Variants in GRM5 observed in about 807,000 individuals in gnomAD.
GRM5 encodes glutamate metabotropic receptor 5, also known as metabotropic glutamate receptor 5.
In GRM5, 19 loss-of-function variants were observed where a neutral mutation model predicts 83.1. The ratio of observed to expected loss-of-function variants is 0.23; its 90% CI spans 0.16 to 0.34. GRM5 has a LOEUF of 0.34. Ranked by LOEUF, GRM5 falls within the 10% of genes least tolerant of loss-of-function variation. GRM5 has a pLI of 1.00. For missense variants in GRM5, 1,160 were observed against 1,588.3 expected (o/e 0.73, Z 4.58); for synonymous variants, 675 against 633.6 (o/e 1.07, Z -0.98).
At chr11:88,538,016 G>C (rs991397530) in intron 8 of GRM5, among the ~76,000 whole-genome samples, 10 of 151,414 alleles carry the variant, frequency 6.6e-5, no homozygotes, top group African/African-American at 2.4e-4. Flanking sequence ...AGTAATTCTA[G>C]GAATTTATTC....
At chr11:88,660,454 A>G (rs1158854516) in intron 3 of GRM5, among the ~76,000 whole-genome samples, 6 of 152,322 alleles carry the variant, frequency 3.9e-5, no homozygotes, top group African/African-American at 7.2e-5. Context: ...TATTAATACT[A>G]CAACTCCATG....
intron 2 of GRM5, among the ~76,000 whole-genome samples, chr11:88,907,918 G>A (rs527358822): frequency 6.6e-6 from 1 of 152,174 alleles, no homozygotes; most frequent in Admixed American, 6.5e-5. Flanking sequence ...AATTTTTTCT[G>A]TCTGTTGTAT....
chr11:88,954,570 C>G (rs1938552591), intron 2 of GRM5, among the ~76,000 whole-genome samples: 1 of 152,186 alleles, frequency 6.6e-6, no homozygotes, highest in Admixed American at 6.5e-5. Flanking sequence ...TAGAAATGGT[C>G]TATAAATCTA....
At chr11:88,530,992 C>T (rs1413230705) in intron 8 of GRM5, among the ~76,000 whole-genome samples, 1 of 151,950 alleles carries the variant, frequency 6.6e-6, no homozygotes, top group Non-Finnish European at 1.5e-5. Context: ...GAATGATAGC[C>T]GGGCTTGGGA....
At chr11:88,916,107 G>T (rs948172524) in intron 2 of GRM5, among the ~76,000 whole-genome samples, 10 of 152,150 alleles carry the variant, frequency 6.6e-5, no homozygotes, top group African/African-American at 2.4e-4. Flanking sequence ...GGAGAAACAA[G>T]ATGGCTGAAG....
At chr11:88,683,059 C>T (rs905005664) in intron 3 of GRM5, among the ~76,000 whole-genome samples, 2 of 152,092 alleles carry the variant, frequency 1.3e-5, no homozygotes, top group Non-Finnish European at 2.9e-5. Context: ...CAAGATACTT[C>T]CCTCCCAGCT....
At chr11:88,765,761 T>C (rs1942614727) in intron 3 of GRM5, among the ~76,000 whole-genome samples, 1 of 151,678 alleles carries the variant, frequency 6.6e-6, no homozygotes, top group Non-Finnish European at 1.5e-5. Context: ...TTAATGAAAA[T>C]GCTTCATGGC....
At chr11:88,979,790 T>C (rs78306632) in intron 2 of GRM5, among the ~76,000 whole-genome samples, 2 of 151,694 alleles carry the variant, frequency 1.3e-5, no homozygotes, top group Non-Finnish European at 1.5e-5. Context: ...AAAAAAAAAA[T>C]CACTTCCTAA....
chr11:88,641,235 C>A (rs1434675667), intron 4 of GRM5, among the ~76,000 whole-genome samples: 1 of 152,052 alleles, frequency 6.6e-6, no homozygotes, highest in East Asian at 1.9e-4. Flanking sequence ...TGTAAGAACT[C>A]ACTCACTGTC....
chr11:89,012,727 C>T (rs1940738571), intron 2 of GRM5, among the ~76,000 whole-genome samples: 1 of 152,108 alleles, frequency 6.6e-6, no homozygotes, highest in Non-Finnish European at 1.5e-5. Flanking sequence ...CTACATTGAC[C>T]AAACATTAAC....
At chr11:89,024,109 G>C (rs181115989) in intron 2 of GRM5, among the ~76,000 whole-genome samples, 1 of 151,876 alleles carries the variant, frequency 6.6e-6, no homozygotes, top group Non-Finnish European at 1.5e-5. Flanking sequence ...CCAGTTACTC[G>C]GGAGGCTGAG....
intron 4 of GRM5, among the ~76,000 whole-genome samples, chr11:88,608,956 C>A (rs901129380): frequency 6.6e-6 from 1 of 152,162 alleles, no homozygotes; most frequent in Admixed American, 6.5e-5. Context: ...TTTACTTTTT[C>A]TCCCTAATCC....
At chr11:88,633,848 TA>T (rs1939047487) in intron 4 of GRM5, among the ~76,000 whole-genome samples, 1 of 152,218 alleles carries the variant, frequency 6.6e-6, no homozygotes, top group Non-Finnish European at 1.5e-5. Context: ...AATTTTTATA[TA>T]CATTCATACA....
intron 2 of GRM5, among the ~76,000 whole-genome samples, chr11:89,022,484 TACA>T (rs1941009778): frequency 3.8e-5 from 2 of 52,666 alleles, no homozygotes; most frequent in African/African-American, 1.7e-4. Flanking sequence ...CTACTAAAAA[TACA>T]AAAAAAAAAA....
At chr11:88,660,828 C>G (rs1004658368) in intron 3 of GRM5, among the ~76,000 whole-genome samples, 2 of 152,152 alleles carry the variant, frequency 1.3e-5, no homozygotes, top group Non-Finnish European at 2.9e-5. Context: ...GCACAGAGTG[C>G]CATTCTTTTA....
chr11:88,797,533 C>T (rs1239691725), intron 3 of GRM5, among the ~76,000 whole-genome samples: 1 of 152,198 alleles, frequency 6.6e-6, no homozygotes, highest in Non-Finnish European at 1.5e-5. Context: ...AGCAATAGCA[C>T]AAATAATCTT....
intron 3 of GRM5, among the ~76,000 whole-genome samples, chr11:88,664,666 C>T (rs1027281268): frequency 2.6e-5 from 4 of 151,960 alleles, no homozygotes; most frequent in Admixed American, 6.6e-5. Context: ...AGGCTGGTCT[C>T]GAACTCCTGA....
chr11:88,902,843 A>G (rs531932546), intron 2 of GRM5, among the ~76,000 whole-genome samples: 1 of 147,420 alleles, frequency 6.8e-6, no homozygotes, highest in African/African-American at 2.5e-5. Flanking sequence ...ACCAGCTACT[A>G]GGGAGGTTGA....
At chr11:88,870,781 T>C (rs1944753598) in intron 2 of GRM5, among the ~76,000 whole-genome samples, 1 of 151,454 alleles carries the variant, frequency 6.6e-6, no homozygotes, top group South Asian at 2.1e-4. Context: ...GTGGGGGATA[T>C]GGGTGTACGT....
Sources: allele counts gnomAD v4.1 joint callset (sites outside exome capture counted in the v4.1 genomes callset), GRCh38; gene constraint gnomAD v4.1.1; transcripts MANE v1.5; gene names NCBI Gene and HGNC (gene_info 2026-07-23, HGNC 2026-07-21).